SOX10: variants seen among roughly 807,000 people sequenced by gnomAD.
SOX10 encodes SRY-box transcription factor 10.
SOX10 carries 3 observed loss-of-function variants against 35.0 expected under a neutral mutation model. The observed-to-expected ratio is 0.09, with a 90% CI of 0.04 to 0.22. SOX10 has a LOEUF of 0.22. Ranked by LOEUF, SOX10 falls within the 10% of genes least tolerant of loss-of-function variation. SOX10 has a pLI of 1.00. For missense variants in SOX10, 436 were observed against 655.1 expected (o/e 0.67, Z 3.65); for synonymous variants, 285 against 291.0 (o/e 0.98, Z 0.21).
chr22:37,973,686 C>G lies in SOX10; in HGVS notation c.1210G>C (p.Asp404His), dbSNP rs1932129476. The G allele has an allele frequency of 6.2e-7, 1 of 1,609,958 alleles. No homozygotes were observed. Among genetic ancestry groups the G allele is most frequent in the African/African-American group, 1.3e-5 (1 of 74,892 alleles). ...TAATAGGGTCCTGAGGGCTGATGGT[C>G]AGAGTAGTCAAACTGGGGGCGGGAG... Reference protein sequence around the residue: ...SISRPQFDYSDHQPSGPYYGH... With the variant: ...SISRPQFDYSHHQPSGPYYGH... The change falls in exon 4 of 4, where the codon GAC becomes CAC. Residue 404 changes from aspartate to histidine, a missense_variant. This residue lies in a region of SOX10 where 285 missense variants were observed against 402.9 expected (regional missense o/e 0.71). Coordinates refer to ENST00000396884, the MANE Select transcript of SOX10 (RefSeq NM_006941.4).
intron 3 of SOX10, among the ~76,000 whole-genome samples, chr22:37,976,454 T>A (rs891548119): frequency 1.3e-5 from 2 of 152,222 alleles, no homozygotes; most frequent in Non-Finnish European, 2.9e-5. Context: ...GCTTCTCTGG[T>A]TAGTACCCCT....
At chr22:37,981,741 G>A (rs1932403027) in intron 2 of SOX10, among the ~76,000 whole-genome samples, 1 of 152,206 alleles carries the variant, frequency 6.6e-6, no homozygotes, top group Non-Finnish European at 1.5e-5. Flanking sequence ...CCTGGGCCAA[G>A]CCCCACCCAG....
chr22:37,981,995 CCA>C (rs1013354362), intron 2 of SOX10, among the ~76,000 whole-genome samples: 19 of 152,220 alleles, frequency 1.2e-4, no homozygotes, highest in African/African-American at 4.6e-4. Flanking sequence ...GCACCTTCTA[CCA>C]CTCTAAGCCT....
intron 2 of SOX10, among the ~76,000 whole-genome samples, chr22:37,982,914 T>C (rs1932445614): frequency 6.6e-6 from 1 of 152,222 alleles, no homozygotes; most frequent in African/African-American, 2.4e-5. Context: ...AAACCTCCCC[T>C]GAGTTCTCCA....
Position 37,983,037 on chromosome 22 carries a change from G to A in SOX10, c.428+320C>T, listed in dbSNP as rs1932449373. ...GGTGGCATAGTGTGCGTATCTGTGG[G>A]CAGGAGTTAGTGAAGGCCTCCTTCC... On this transcript the variant is annotated intron_variant, in intron 2 of 3. Transcript: ENST00000396884. The surrounding 1 kb of genome is among the most constrained non-coding windows in gnomAD (Gnocchi z 9.5). Among the ~76,000 whole-genome samples, 1 of 152,210 alleles carries A rather than the reference G, an allele frequency of 6.6e-6. No homozygotes were observed. The highest frequency in any genetic ancestry group is 1.5e-5 in the Non-Finnish European group (1 of 68,036).
chr22:37,977,989 C>T lies in SOX10; in HGVS notation c.575G>A (p.Gly192Asp), dbSNP rs2145768283. ...KAAQGEAECP[G>D]GEAEQGGTAA... ...GGTCCCACCTTGCTCGGCCTCCCCA[C>T]CGGGGCACTCCGCCTCGCCCTGGGC... The change falls in exon 3 of 4, where the codon GGT becomes GAT. Residue 192 changes from glycine to aspartate, a missense_variant. Physicochemically the swap from Gly to Asp is moderately conservative, Grantham distance 94. Around this residue, in one of 3 missense-constraint regions of SOX10, gnomAD observed 285 missense variants for 402.9 expected, o/e 0.71. Transcript: ENST00000396884. 1.2e-6 allele frequency: 2 copies of T among 1,611,882 alleles called. No homozygotes were observed. Among genetic ancestry groups the T allele is most frequent in the Non-Finnish European group, 1.7e-6 (2 of 1,179,858 alleles).
In SOX10 at chr22:37,973,627, C is replaced by T. The variant is rs565795907; in HGVS notation, c.1269G>A (p.Ser423=). The T allele has an allele frequency of 1.7e-5, 27 of 1,613,674 alleles. No individual in the cohort carries two copies. Among genetic ancestry groups the T allele is most frequent in the Admixed American group, 1.7e-4 (10 of 60,014 alleles). The change falls in exon 4 of 4, where the codon TCG becomes TCA. Residue 423 remains serine (S), a synonymous_variant. Transcript: ENST00000396884. Reference sequence around the variant, plus strand: ...GCGAGGGCCCCATATAGGAGAAGGCCGAGTAGAGGCCAGAGGCCTGGCCCG... The same window carrying T: ...GCGAGGGCCCCATATAGGAGAAGGCTGAGTAGAGGCCAGAGGCCTGGCCCG... The part of the protein sequence containing the change: ...GHSGQASGLY[S]AFSYMGPSQR...
chr22:37,976,679 T>G (rs1193148846), intron 3 of SOX10, among the ~76,000 whole-genome samples: 1 of 152,188 alleles, frequency 6.6e-6, no homozygotes, highest in East Asian at 1.9e-4. Flanking sequence ...TGAGAGTAAC[T>G]TGCCACAGCT....
chr22:37,978,259 G>A lies in SOX10; in HGVS notation c.429-124C>T. 2 of 1,072,056 alleles carry A rather than the reference G, an allele frequency of 1.9e-6. No individual in the cohort carries two copies. The highest frequency in any genetic ancestry group is 2.6e-6 in the Non-Finnish European group (2 of 769,860). The allele number at this position is 1,072,056 out of a possible 1,614,324, so 66.4% of individuals were successfully genotyped here. Reference sequence around the variant, plus strand: ...GTGAGGCCCTGGGATGGGGCACCCAGAGGACAGGACCCGGGGTGGGGGCTG... The same window carrying A: ...GTGAGGCCCTGGGATGGGGCACCCAAAGGACAGGACCCGGGGTGGGGGCTG... On this transcript the variant is annotated intron_variant, in intron 2 of 3. Coordinates refer to ENST00000396884, the MANE Select transcript of SOX10 (RefSeq NM_006941.4). The surrounding 1 kb of genome is among the most constrained non-coding windows in gnomAD (Gnocchi z 5.0).
At position 37,978,544 on chromosome 22, in the gene SOX10, A is replaced by G. The variant is rs1439190801; in HGVS notation, c.429-409T>C. On this transcript the variant is annotated intron_variant, in intron 2 of 3. Coordinates refer to ENST00000396884, the MANE Select transcript of SOX10 (RefSeq NM_006941.4). The surrounding 1 kb of genome is among the most constrained non-coding windows in gnomAD (Gnocchi z 5.0). ...AGTGGGGGTGAGCTCCCTGGGACTG[A>G]GGGTGGGCAATAGAAGCAGCATGGC... Among the ~76,000 whole-genome samples the G allele has an allele frequency of 6.6e-6, 1 of 152,186 alleles. No homozygotes were observed. Among genetic ancestry groups the G allele is most frequent in the East Asian group, 1.9e-4 (1 of 5,202 alleles).
chr22:37,983,577 C>T lies in SOX10; in HGVS notation c.208G>A (p.Val70Met), dbSNP rs765329363. ...DGEADDDKFP[V>M]CIREAVSQVL... Reference sequence around the variant, plus strand: ...TGGCTGACGGCCTCGCGGATGCACACGGGGAACTTGTCATCGTCCGCCTCG... The same window carrying T: ...TGGCTGACGGCCTCGCGGATGCACATGGGGAACTTGTCATCGTCCGCCTCG... Residue 70 changes from valine to methionine, a missense_variant, in exon 2 of 4, where the codon GTG (valine) becomes ATG (methionine). By Grantham distance (21) the Val-to-Met change is conservative (BLOSUM62 1). Transcript: ENST00000396884. This position sits in a 1 kb window ranked among gnomAD's most constrained non-coding sequence, Gnocchi z 9.5. 5 of 1,610,336 alleles carry T rather than the reference C, an allele frequency of 3.1e-6. No homozygotes were observed. The highest frequency in any genetic ancestry group is 4.2e-6 in the Non-Finnish European group (5 of 1,179,026).
chr22:37,972,321 C>G lies in SOX10; in HGVS notation c.*1174G>C. ...AGGCTCACCAAGCAGGTAACCGGAACCTTTAATTTTATTATGTGGAATGCT... is the reference window on the plus strand; with the variant it reads ...AGGCTCACCAAGCAGGTAACCGGAAGCTTTAATTTTATTATGTGGAATGCT... On this transcript the variant is annotated 3_prime_UTR_variant, in exon 4 of 4. Coordinates refer to ENST00000396884, the MANE Select transcript of SOX10 (RefSeq NM_006941.4). The G allele has an allele frequency of 9.5e-7, 1 of 1,048,136 alleles. No individual in the cohort carries two copies. The highest frequency in any genetic ancestry group is 1.3e-5 in the South Asian group (1 of 75,772). 64.9% of individuals were successfully genotyped at this position (1,048,136 alleles called of 1,614,324 possible).
chr22:37,974,300 C>A lies in SOX10; in HGVS notation c.698-102G>T. 1 of 873,114 alleles carries A rather than the reference C, an allele frequency of 1.1e-6. No homozygotes were observed. The highest frequency in any genetic ancestry group is 1.8e-6 in the Non-Finnish European group (1 of 557,872). The allele number at this position is 873,114 out of a possible 1,614,324, so 54.1% of individuals were successfully genotyped here. ...ATGGTTCACCTTCAGGCAGCGGGTGCCTCTGGGAAAACCTTGTAAGTTTCA... is the reference window on the plus strand; with the variant it reads ...ATGGTTCACCTTCAGGCAGCGGGTGACTCTGGGAAAACCTTGTAAGTTTCA... On this transcript the variant is annotated intron_variant, in intron 3 of 3. Coordinates refer to ENST00000396884, the MANE Select transcript of SOX10 (RefSeq NM_006941.4). This position sits in a 1 kb window ranked among gnomAD's most constrained non-coding sequence, Gnocchi z 5.4.
Position 37,973,454 on chromosome 22 carries a change from G to C in SOX10, c.*41C>G, listed in dbSNP as rs1345365040. The C allele has an allele frequency of 7.5e-7, 1 of 1,332,994 alleles. No individual in the cohort carries two copies. Among genetic ancestry groups the C allele is most frequent in the Non-Finnish European group, 1.0e-6 (1 of 965,152 alleles). 82.6% of individuals were successfully genotyped at this position (1,332,994 alleles called of 1,614,324 possible). A position where few individuals can be genotyped will look rare whatever the true frequency, so the allele number is the denominator to read the frequency against. On this transcript the variant is annotated 3_prime_UTR_variant, in exon 4 of 4. Coordinates refer to ENST00000396884, the MANE Select transcript of SOX10 (RefSeq NM_006941.4). ...GCAAGGAACAGGGCACACAGGCTGGGGGCAGGGGCTGGGCGGGGGGTGGTG... is the reference window on the plus strand; with the variant it reads ...GCAAGGAACAGGGCACACAGGCTGGCGGCAGGGGCTGGGCGGGGGGTGGTG...
At position 37,974,060 on chromosome 22, in the gene SOX10, C is replaced by T. The variant is rs1374911711; in HGVS notation, c.836G>A (p.Gly279Asp). The T allele has an allele frequency of 6.2e-7, 1 of 1,614,068 alleles. No individual in the cohort carries two copies. Residue 279 changes from glycine to aspartate, a missense_variant, in exon 4 of 4, where the codon GGT becomes GAT. By Grantham distance (94) the Gly-to-Asp change is moderately conservative. Coordinates refer to ENST00000396884, the MANE Select transcript of SOX10 (RefSeq NM_006941.4). This position sits in a 1 kb window ranked among gnomAD's most constrained non-coding sequence, Gnocchi z 5.4. Reference protein sequence around the residue: ...PHIDFGNVDIGEISHEVMSNM... With the variant: ...PHIDFGNVDIDEISHEVMSNM... ...GGACATTACCTCGTGGCTGATCTCA[C>T]CAATGTCCACGTTGCCGAAGTCGAT...
rs985410653 is a variant in SOX10, at chr22:37,978,141, G to A, written c.429-6C>T. On this transcript the variant is annotated splice_polypyrimidine_tract_variant and splice_region_variant and intron_variant, in intron 2 of 3. Transcript: ENST00000396884. The surrounding 1 kb of genome is among the most constrained non-coding windows in gnomAD (Gnocchi z 5.0). ...TGTCACTTTCGTTCAGCAGCCTGGG[G>A]TGTGGTGGGAGGCGGAGAGGACAGC... 6.4e-7 allele frequency: 1 copy of A among 1,555,052 alleles called. No homozygotes were observed. The highest frequency in any genetic ancestry group is 8.7e-7 in the Non-Finnish European group (1 of 1,151,062).
chr22:37,983,795 G>T lies in SOX10; in HGVS notation c.-11C>A. The T allele has an allele frequency of 7.3e-7, 1 of 1,378,570 alleles. No individual in the cohort carries two copies. The highest frequency in any genetic ancestry group is 9.4e-7 in the Non-Finnish European group (1 of 1,058,656). 85.4% of individuals were successfully genotyped at this position (1,378,570 alleles called of 1,614,324 possible). On this transcript the variant is annotated 5_prime_UTR_variant, in exon 2 of 4. Coordinates refer to ENST00000396884, the MANE Select transcript of SOX10 (RefSeq NM_006941.4). The surrounding 1 kb of genome is among the most constrained non-coding windows in gnomAD (Gnocchi z 9.5). ...CTGCTCCTCCGCCATGTCGCCCCCG[G>T]CCGCCGCCGCCGCCGCCTCGGCCGC...
Position 37,973,941 on chromosome 22 carries a change from C to A in SOX10, c.955G>T (p.Gly319Trp). ...HVSSYSAAGY[G>W]LGSALAVASG... ...GCCACGGCCAGGGCACTGCCCAGCC[C>A]ATAGCCGGCTGCTGAGTAGCTGCTC... Residue 319 changes from glycine to tryptophan, a missense_variant, in exon 4 of 4, where the codon GGG becomes TGG. By Grantham distance (184) the Gly-to-Trp change is radical. Coordinates refer to ENST00000396884, the MANE Select transcript of SOX10 (RefSeq NM_006941.4). The A allele has an allele frequency of 6.2e-7, 1 of 1,610,714 alleles. No homozygotes were observed. Among genetic ancestry groups the A allele is most frequent in the Non-Finnish European group, 8.5e-7 (1 of 1,179,938 alleles).
In SOX10 at chr22:37,973,471, G is replaced by GGGGT. The variant is rs1932120546; in HGVS notation, c.*20_*23dup. On this transcript the variant is annotated 3_prime_UTR_variant, in exon 4 of 4. Transcript: ENST00000396884. ...CAGGCTGGGGGCAGGGGCTGGGCGG[G>GGGGT]GGGTGGTGGCGACAGGGCCCCCTTT... 6.9e-7 allele frequency: 1 copy of GGGGT among 1,454,886 alleles called. No individual in the cohort carries two copies. The highest frequency in any genetic ancestry group is 9.4e-7 in the Non-Finnish European group (1 of 1,065,252). The allele number at this position is 1,454,886 out of a possible 1,614,324, so 90.1% of individuals were successfully genotyped here.
Sources: allele counts gnomAD v4.1 joint callset (sites outside exome capture counted in the v4.1 genomes callset), GRCh38; gene constraint gnomAD v4.1.1; regional missense constraint gnomAD v4.1.1; non-coding constraint Gnocchi (gnomAD v3.1); transcripts MANE v1.5; gene names NCBI Gene and HGNC (gene_info 2026-07-23, HGNC 2026-07-21).